Variants in UNC80 observed in about 807,000 individuals in gnomAD.
UNC80 encodes the protein unc-80 subunit of NALCN channel complex, also known as protein unc-80 homolog.
UNC80 carries 164 observed loss-of-function variants against 384.6 expected under a neutral mutation model. The ratio of observed to expected loss-of-function variants is 0.43; its 90% CI spans 0.38 to 0.49. UNC80 has a LOEUF of 0.49. Among genes scored for constraint, UNC80 ranks in the 20% least tolerant of loss-of-function variants. The pLI, the probability that UNC80 is intolerant of heterozygous loss-of-function variation, is 0.00. For missense variants in UNC80, 3,330 were observed against 4,143.0 expected (o/e 0.80, Z 5.39); for synonymous variants, 1,486 against 1,527.8 (o/e 0.97, Z 0.64).
At chr2:209,957,803 G>T in intron 49 of UNC80, 67 bp downstream of exon 49, 2 of 1,426,640 alleles carry the variant, frequency 1.4e-6, no homozygotes, top group Non-Finnish European at 1.9e-6. Flanking sequence ...CAGCTGTTGA[G>T]AATGAAAGGA....
chr2:209,826,281 A>C (rs1458257585), intron 14 of UNC80, among the ~76,000 whole-genome samples: 2 of 152,246 alleles, frequency 1.3e-5, no homozygotes, highest in Non-Finnish European at 2.9e-5. Context: ...TGCCTAGGGC[A>C]GACCAACTCC....
intron 5 of UNC80, among the ~76,000 whole-genome samples, chr2:209,788,358 G>A (rs1173189707): frequency 1.4e-4 from 21 of 150,872 alleles, no homozygotes; most frequent in East Asian, 5.8e-4. Flanking sequence ...TGGAGGTTGC[G>A]GTGAGCAGAG....
At chr2:209,948,590 C>A (rs760234198) in intron 47 of UNC80, among the ~76,000 whole-genome samples, 1 of 152,076 alleles carries the variant, frequency 6.6e-6, no homozygotes, top group Non-Finnish European at 1.5e-5. Flanking sequence ...ATGTCATCTG[C>A]AAATCATGAG....
chr2:209,927,384 A>T (rs1001627712), intron 36 of UNC80, among the ~76,000 whole-genome samples: 3 of 152,244 alleles, frequency 2.0e-5, no homozygotes, highest in African/African-American at 7.2e-5. Flanking sequence ...TAATTGCAAA[A>T]TGAAACGATA....
intron 14 of UNC80, among the ~76,000 whole-genome samples, chr2:209,828,716 C>A (rs1329423430): frequency 5.9e-5 from 9 of 152,138 alleles, no homozygotes; most frequent in Non-Finnish European, 1.2e-4. Context: ...CACTCAGCCA[C>A]CCCTTCTTTC....
intron 53 of UNC80, 25 bp downstream of exon 53, chr2:209,969,916 T>C (rs1553618666): frequency 6.4e-7 from 1 of 1,551,058 alleles, no homozygotes; most frequent in South Asian, 1.2e-5. Flanking sequence ...GGCAATCTTA[T>C]GAAACTTTGC....
At chr2:209,957,582 T>A (rs2092460120) in intron 48 of UNC80, 62 bp from the exon 49 acceptor site, 3 of 1,398,346 alleles carry the variant, frequency 2.1e-6, no homozygotes, top group Non-Finnish European at 3.0e-6. Context: ...GAGGATTTAA[T>A]AAATGTTTCC....
At chr2:209,825,685 C>G (rs1368364787) in intron 13 of UNC80, among the ~76,000 whole-genome samples, 1 of 152,140 alleles carries the variant, frequency 6.6e-6, no homozygotes, top group East Asian at 1.9e-4. Flanking sequence ...TCTCTAGCAA[C>G]AGAGGGTGTT....
At chr2:209,907,291 CAAA>C (rs35210647) in intron 29 of UNC80, among the ~76,000 whole-genome samples, 6 of 68,646 alleles carry the variant, frequency 8.7e-5, no homozygotes, top group Admixed American at 1.7e-4. Context: ...CAATAATGGG[CAAA>C]AAAAAAAAAA....
rs766800176 is a variant in UNC80 at position 209,918,574 on chromosome 2, C to A, written c.5254C>A (p.Leu1752Ile). ...SINFTLPSPVLGMPSVPMFDP... is the reference protein window; with the variant it reads ...SINFTLPSPVIGMPSVPMFDP... ...CAATTTCACCCTTCCCTCGCCGGTG[C>A]TTGGAATGCCATCCGTCCCAATGTT... Residue 1752 changes from leucine to isoleucine, a missense_variant, in exon 33 of 65, where the codon CTT (leucine) becomes ATT (isoleucine). Leu to Ile is a conservative substitution (Grantham distance 5). Transcript: ENST00000673920. The A allele has an allele frequency of 2.6e-6, 4 of 1,552,252 alleles. No homozygotes were observed. In the South Asian group the frequency reaches 4.8e-5, roughly 18 times the overall value.
At chr2:209,933,773 A>G in intron 38 of UNC80, 49 bp from the exon 39 acceptor site, 1 of 1,466,910 alleles carries the variant, frequency 6.8e-7, no homozygotes, top group Non-Finnish European at 9.2e-7. Context: ...TGAGAATGTG[A>G]GCTCGGGATT....
Position 209,937,535 on chromosome 2 carries a change from G to A in UNC80, c.6370G>A (p.Val2124Ile). Residue 2124 changes from valine (V) to isoleucine (I), a missense_variant, in exon 42 of 65, where the codon GTT becomes ATT. Val to Ile is a conservative substitution (Grantham distance 29, BLOSUM62 3). Around this residue, in one of 8 missense-constraint regions of UNC80, gnomAD observed 1,049 missense variants for 1,488.6 expected, o/e 0.70. Transcript: ENST00000673920. ...WNLIHYNKTY[V>I]RDIYPFRRSV... ...CTTTATGTAATCCACACAGACCTAT[G>A]TTCGAGATATTTATCCTTTCCGGAG... is the stretch of plus-strand genomic sequence containing the variant. 1 of 1,550,038 alleles carries A rather than the reference G, an allele frequency of 6.5e-7. No individual in the cohort carries two copies. Among genetic ancestry groups the A allele is most frequent in the Non-Finnish European group, 8.7e-7 (1 of 1,145,520 alleles).
At chr2:209,812,259 A>G (rs1447265960) in intron 7 of UNC80, among the ~76,000 whole-genome samples, 1 of 146,088 alleles carries the variant, frequency 6.8e-6, no homozygotes, top group Non-Finnish European at 1.5e-5. Context: ...ACGGGGTTTC[A>G]CCGTGTTAGC....
Position 209,819,128 on chromosome 2 carries a change from A to G in UNC80, c.1829A>G (p.His610Arg), listed in dbSNP as rs548383154. The change falls in exon 12 of 65, where the codon CAT (histidine) becomes CGT (arginine). Residue 610 changes from histidine to arginine, a missense_variant. This residue lies in a region of UNC80 where 937 missense variants were observed against 1,026.8 expected (regional missense o/e 0.91). Transcript: ENST00000673920. ...CNQVPIPEMP[H>R]EPLACANLPR... ...CAGGTGCCTATCCCGGAGATGCCAC[A>G]TGAACCTCTGGCATGTGCTAACCTA... 6 of 1,552,260 alleles carry G rather than the reference A, an allele frequency of 3.9e-6. No homozygotes were observed. The Admixed American group carries it at 9.8e-5, about 25-fold the overall frequency.
chr2:209,847,379 A>G (rs944730101), intron 21 of UNC80, among the ~76,000 whole-genome samples: 5 of 152,020 alleles, frequency 3.3e-5, no homozygotes, highest in African/African-American at 1.2e-4. Context: ...TCAAAAATAT[A>G]TTCTTATCTA....
rs764682669 is a variant in UNC80 at position 209,839,288 on chromosome 2, G to T, written c.3108G>T (p.Gln1036His). The change falls in exon 19 of 65, where the codon CAG (glutamine) becomes CAT (histidine). Residue 1036 changes from glutamine to histidine, a missense_variant. Physicochemically the swap from Gln to His is conservative, Grantham distance 24 (BLOSUM62 0). Around this residue, in one of 8 missense-constraint regions of UNC80, gnomAD observed 801 missense variants for 950.8 expected, o/e 0.84. Transcript: ENST00000673920. The surrounding 1 kb of genome is among the most constrained non-coding windows in gnomAD (Gnocchi z 4.1). ...KDFWRKMFKS[Q>H]SAASDTSSQS... is the part of the protein sequence containing the mutation. ...TCTGGCGTAAGATGTTCAAGTCCCAGAGTGCAGCAAGTGACACCAGCAGCC... is the reference window on the plus strand; with the variant it reads ...TCTGGCGTAAGATGTTCAAGTCCCATAGTGCAGCAAGTGACACCAGCAGCC... 1 of 1,551,642 alleles carries T rather than the reference G, an allele frequency of 6.4e-7. No homozygotes were observed. Among genetic ancestry groups the T allele is most frequent in the East Asian group, 2.4e-5 (1 of 40,904 alleles).
Position 209,815,380 on chromosome 2 carries a change from A to G in UNC80, c.1324A>G (p.Ile442Val), listed in dbSNP as rs2153827433. The change falls in exon 9 of 65, where the codon ATT becomes GTT. Residue 442 changes from isoleucine to valine, a missense_variant. Transcript: ENST00000673920. ...TCTTTCTTCAGACCTGGGCATGAATATTTTTAAAAAGGTGAGTAGAAATGC... is the reference window on the plus strand; with the variant it reads ...TCTTTCTTCAGACCTGGGCATGAATGTTTTTAAAAAGGTGAGTAGAAATGC... ...PDLSSDLGMN[I>V]FKKFKSRKED... is the part of the protein sequence containing the mutation. 1 of 1,551,068 alleles carries G rather than the reference A, an allele frequency of 6.4e-7. No homozygotes were observed. Among genetic ancestry groups the G allele is most frequent in the Non-Finnish European group, 8.7e-7 (1 of 1,146,794 alleles).
intron 59 of UNC80, among the ~76,000 whole-genome samples, chr2:209,979,028 C>T (rs886216603): frequency 6.6e-6 from 1 of 152,148 alleles, no homozygotes; most frequent in Non-Finnish European, 1.5e-5. Flanking sequence ...GCGGGTGGAT[C>T]ACCTGAGGTC....
At chr2:209,940,325 G>T (rs1168391688) in intron 43 of UNC80, among the ~76,000 whole-genome samples, 1 of 152,142 alleles carries the variant, frequency 6.6e-6, no homozygotes, top group Non-Finnish European at 1.5e-5. Flanking sequence ...TTGTCTACAT[G>T]AGTGCATAGT....
Sources: gnomAD v4.1 joint callset for allele counts (sites outside exome capture counted in the v4.1 genomes callset) on GRCh38, gnomAD v4.1.1 for gene constraint, gnomAD v4.1.1 regional missense constraint, Gnocchi (gnomAD v3.1) non-coding constraint, MANE v1.5 for transcripts, NCBI Gene and HGNC (gene_info 2026-07-23, HGNC 2026-07-21) for gene names.